Variants in CCSER2 observed in about 807,000 individuals in gnomAD.
CCSER2 encodes serine-rich coiled-coil domain-containing protein 2.
CCSER2 carries 46 observed loss-of-function variants against 92.3 expected under a neutral mutation model. That is an observed-to-expected ratio of 0.50 (90% CI 0.39 to 0.64). The LOEUF is 0.64. Ranked by LOEUF, CCSER2 falls within the 30% of genes least tolerant of loss-of-function variation. CCSER2 has a pLI of 0.00. For missense variants in CCSER2, 1,244 were observed against 1,238.9 expected (o/e 1.00, Z -0.06); for synonymous variants, 433 against 431.4 (o/e 1.00, Z -0.04).
chr10:84,457,304 ATGT>A (rs1235740616), intron 6 of CCSER2, among the ~76,000 whole-genome samples: 6,786 of 60,716 alleles, frequency 0.11, 783 homozygotes, highest in Admixed American at 0.18. Context: ...TATATATAAT[ATGT>A]TATATATAAT....
chr10:84,343,072 C>T (rs2133027207), intron 1 of CCSER2, among the ~76,000 whole-genome samples: 1 of 152,248 alleles, frequency 6.6e-6, no homozygotes, highest in African/African-American at 2.4e-5. Context: ...CGGGGTTTAC[C>T]ATGTTGGCCA....
At chr10:84,493,548 T>C (rs1848284540) in intron 9 of CCSER2, among the ~76,000 whole-genome samples, 1 of 152,260 alleles carries the variant, frequency 6.6e-6, no homozygotes, top group Non-Finnish European at 1.5e-5. Context: ...TAGTTGGCTA[T>C]TTTTAATGGT....
At chr10:84,368,253 A>G (rs764299930) in intron 1 of CCSER2, among the ~76,000 whole-genome samples, 6 of 152,178 alleles carry the variant, frequency 3.9e-5, no homozygotes, top group Admixed American at 6.5e-5. Flanking sequence ...TACTGCTTCC[A>G]GGCAGTAATC....
intron 3 of CCSER2, among the ~76,000 whole-genome samples, chr10:84,414,690 G>GC (rs1011933568): frequency 8.6e-5 from 13 of 151,854 alleles, no homozygotes; most frequent in Admixed American, 8.5e-4. Flanking sequence ...TTTGAATGTT[G>GC]GCCTGTCTTG....
intron 9 of CCSER2, among the ~76,000 whole-genome samples, chr10:84,511,956 T>C (rs778754797): frequency 3.7e-4 from 57 of 152,234 alleles, no homozygotes; most frequent in Non-Finnish European, 6.2e-4. Flanking sequence ...TCAAACATTC[T>C]GCAATACGAT....
At chr10:84,361,376 T>C (rs1035673983) in intron 1 of CCSER2, among the ~76,000 whole-genome samples, 2 of 152,216 alleles carry the variant, frequency 1.3e-5, no homozygotes, top group Non-Finnish European at 2.9e-5. Flanking sequence ...AATAACAGCT[T>C]TCTGATGGGC....
intron 1 of CCSER2, among the ~76,000 whole-genome samples, chr10:84,338,585 T>C (rs561650673): frequency 1.3e-5 from 2 of 152,360 alleles, no homozygotes; most frequent in East Asian, 3.9e-4. Flanking sequence ...TGATGGACTG[T>C]ACTGCAGTTT....
chr10:84,415,012 C>G (rs1218496101), intron 3 of CCSER2, among the ~76,000 whole-genome samples: 1 of 152,100 alleles, frequency 6.6e-6, no homozygotes, highest in African/African-American at 2.4e-5. Flanking sequence ...AGTTATGTTC[C>G]TCTCTCAACC....
intron 3 of CCSER2, among the ~76,000 whole-genome samples, chr10:84,392,999 A>G (rs1841612536): frequency 6.6e-6 from 1 of 152,152 alleles, no homozygotes; most frequent in African/African-American, 2.4e-5. Context: ...CATCACATAG[A>G]GTGAGACTGG....
intron 6 of CCSER2, among the ~76,000 whole-genome samples, chr10:84,445,738 G>C (rs1404228556): frequency 6.6e-6 from 1 of 151,996 alleles, no homozygotes. Flanking sequence ...TTTTATATCT[G>C]GCTTCTTTTG....
chr10:84,359,242 T>A (rs187279852), intron 1 of CCSER2, among the ~76,000 whole-genome samples: 40 of 152,284 alleles, frequency 2.6e-4, no homozygotes, highest in Non-Finnish European at 4.7e-4. Context: ...GTTGTGGAAT[T>A]GGGAGGGGAC....
chr10:84,497,504 A>T (rs929300465), intron 9 of CCSER2, among the ~76,000 whole-genome samples: 2 of 152,256 alleles, frequency 1.3e-5, no homozygotes, highest in Admixed American at 1.3e-4. Context: ...TTGGGGAAAT[A>T]AAGACAGATA....
chr10:84,493,461 T>C (rs1270715360), intron 9 of CCSER2, among the ~76,000 whole-genome samples: 1 of 152,236 alleles, frequency 6.6e-6, no homozygotes. Flanking sequence ...CCTGCTCTTT[T>C]ATAGTGAAAG....
chr10:84,421,402 T>C (rs1425969349), intron 4 of CCSER2, among the ~76,000 whole-genome samples: 1 of 152,154 alleles, frequency 6.6e-6, no homozygotes, highest in Non-Finnish European at 1.5e-5. Context: ...CTCAGGAAAC[T>C]TGCAGTCATG....
intron 1 of CCSER2, among the ~76,000 whole-genome samples, chr10:84,349,179 A>G (rs139620271): frequency 2.9e-3 from 437 of 152,328 alleles, no homozygotes; most frequent in Non-Finnish European, 4.6e-3. Context: ...AAACACAATC[A>G]TGGTGACTTA....
At position 84,514,329 on chromosome 10, in the gene CCSER2, G is replaced by GTGCAGCT. The variant is rs1849522688; in HGVS notation, c.*73_*79dup. 3 of 1,189,942 alleles carry GTGCAGCT rather than the reference G, an allele frequency of 2.5e-6. No homozygotes were observed. The highest frequency in any genetic ancestry group is 1.5e-5 in the African/African-American group (1 of 65,268). The allele number at this position is 1,189,942 out of a possible 1,614,324, so 73.7% of individuals were successfully genotyped here. On this transcript the variant is annotated 3_prime_UTR_variant, in exon 10 of 10. Transcript: ENST00000372088. ...ACAATCTCTTCTGTAATAGCTTTAT[G>GTGCAGCT]TGCAGCTTGCAGCTTGCTACTGTGG...
intron 6 of CCSER2, among the ~76,000 whole-genome samples, chr10:84,462,442 CTCTCTTCTCAAATATACT>C (rs1846154188): frequency 6.6e-6 from 1 of 152,130 alleles, no homozygotes; most frequent in Non-Finnish European, 1.5e-5. Flanking sequence ...TACAGTCTGT[CTCTCTTCTCAAATATACT>C]TGTAGGTAGG....
chr10:84,424,962 T>C, intron 4 of CCSER2: 1 of 984,336 alleles, frequency 1.0e-6, no homozygotes, highest in Non-Finnish European at 1.2e-6. Context: ...CAACTATGTC[T>C]GAGTAGGCAG....
chr10:84,516,778 A>T lies in CCSER2; in HGVS notation c.*2511A>T, dbSNP rs1308120551. On this transcript the variant is annotated 3_prime_UTR_variant, in exon 10 of 10. Coordinates refer to ENST00000372088, the MANE Select transcript of CCSER2 (RefSeq NM_001284240.2). ...TCCCTGATGGATTTGCAGAAATGTT[A>T]ACCAATTAGCTCAACTTTTCTCTAC... 1 of 152,148 alleles carries T rather than the reference A, an allele frequency of 6.6e-6. No homozygotes were observed. Among genetic ancestry groups the T allele is most frequent in the African/African-American group, 2.4e-5 (1 of 41,434 alleles). 9.4% of individuals were successfully genotyped at this position (152,148 alleles called of 1,614,324 possible).
Sources: allele counts gnomAD v4.1 joint callset (sites outside exome capture counted in the v4.1 genomes callset), GRCh38; gene constraint gnomAD v4.1.1; transcripts MANE v1.5; gene names NCBI Gene and HGNC (gene_info 2026-07-23, HGNC 2026-07-21).